The following GLDC variants were observed in gnomAD, a reference collection of about 807,000 sequenced individuals.
GLDC encodes the protein glycine decarboxylase, also known as glycine dehydrogenase (decarboxylating), mitochondrial.
GLDC carries 104 observed loss-of-function variants against 121.3 expected under a neutral mutation model. That is an observed-to-expected ratio of 0.86 (90% CI 0.73 to 1.01). The LOEUF is 1.01. Among genes scored for constraint, GLDC ranks in the 50% least tolerant of loss-of-function variants. GLDC has a pLI of 0.00. For synonymous variants in GLDC, 546 were observed against 480.6 expected (o/e 1.14, Z -1.78); for missense variants, 1,429 against 1,306.6 (o/e 1.09, Z -1.44).
rs777632051 is a variant in GLDC at position 6,604,774 on chromosome 9, C to T, written c.872G>A (p.Cys291Tyr). ...CAAAGCTAAAAGGTCAGTAGCACAG[C>T]AGGCCAGGCTCTAGAAAGGAAGTGA... ...ERAHQSGSLACCATDLLALCI... is the reference protein window; with the variant it reads ...ERAHQSGSLAYCATDLLALCI... Residue 291 changes from cysteine (C) to tyrosine (Y), a missense_variant, in exon 7 of 25, where the codon TGC (cysteine) becomes TAC (tyrosine). Physicochemically the swap from Cys to Tyr is radical, Grantham distance 194. Coordinates refer to ENST00000321612, the MANE Select transcript of GLDC (RefSeq NM_000170.3). The T allele has an allele frequency of 1.9e-6, 3 of 1,613,818 alleles. No individual in the cohort carries two copies. In the South Asian group the frequency reaches 3.3e-5, roughly 18 times the overall value.
rs142666002 is a variant in GLDC at position 6,551,163 on chromosome 9, C to G, written c.2458-249G>C. 4.3e-4 allele frequency among the ~76,000 whole-genome samples: 66 copies of G among 152,292 alleles called. 2 individuals carry two copies. In the East Asian group the frequency reaches 0.012, roughly 28 times the overall value. On this transcript the variant is annotated intron_variant, in intron 20 of 24. Coordinates refer to ENST00000321612, the MANE Select transcript of GLDC (RefSeq NM_000170.3). ...TTTATTGTAGTAGCAAAGCCTACAA[C>G]AGGGCAAGCTGACTACTGACTACTG...
At position 6,604,777 on chromosome 9, in the gene GLDC, G is replaced by C; in HGVS notation, c.869C>G (p.Ala290Gly). The change falls in exon 7 of 25, where the codon GCC (alanine) becomes GGC (glycine). Residue 290 changes from alanine (A) to glycine (G), a missense_variant. Coordinates refer to ENST00000321612, the MANE Select transcript of GLDC (RefSeq NM_000170.3). ...VERAHQSGSL[A>G]CCATDLLALC... ...AGCTAAAAGGTCAGTAGCACAGCAGGCCAGGCTCTAGAAAGGAAGTGAGAG... is the reference window on the plus strand; with the variant it reads ...AGCTAAAAGGTCAGTAGCACAGCAGCCCAGGCTCTAGAAAGGAAGTGAGAG... 6.2e-7 allele frequency: 1 copy of C among 1,613,542 alleles called. No homozygotes were observed. Among genetic ancestry groups the C allele is most frequent in the Non-Finnish European group, 8.5e-7 (1 of 1,179,424 alleles).
chr9:6,537,069 C>T (rs76526061), intron 22 of GLDC, among the ~76,000 whole-genome samples: 15 of 144,312 alleles, frequency 1.0e-4, no homozygotes, highest in Non-Finnish European at 2.1e-4. Flanking sequence ...CTTGCTGTAT[C>T]GCTCAGGTTA....
chr9:6,574,678 A>G (rs537598089), intron 15 of GLDC, among the ~76,000 whole-genome samples: 3 of 152,108 alleles, frequency 2.0e-5, no homozygotes, highest in African/African-American at 4.8e-5. Flanking sequence ...ATTTCCCGAA[A>G]GACGGCTCTC....
At chr9:6,606,515 G>T in intron 5 of GLDC, 77 bp downstream of exon 5, 1 of 941,770 alleles carries the variant, frequency 1.1e-6, no homozygotes, top group African/African-American at 1.6e-5. Flanking sequence ...AATCAGTTTG[G>T]AAGTGAGAAA....
At position 6,565,335 on chromosome 9, in the gene GLDC, C is replaced by T; in HGVS notation, c.1926+19G>A. 6.3e-7 allele frequency: 1 copy of T among 1,589,790 alleles called. No individual in the cohort carries two copies. The highest frequency in any genetic ancestry group is 8.6e-7 in the Non-Finnish European group (1 of 1,157,730). The stretch of plus-strand genomic sequence containing the variant: ...TCTGTGCCCCATGGTGAGCAAGCGC[C>T]ACCTCCTGCCATACTCACCGTTCTG... On this transcript the variant is annotated intron_variant, in intron 16 of 24. Coordinates refer to ENST00000321612, the MANE Select transcript of GLDC (RefSeq NM_000170.3).
chr9:6,553,264 A>G, intron 20 of GLDC, 104 bp downstream of exon 20: 1 of 1,013,188 alleles, frequency 9.9e-7, no homozygotes. Flanking sequence ...ATCTCAGATC[A>G]TGAATTTATT....
intron 4 of GLDC, among the ~76,000 whole-genome samples, chr9:6,607,536 C>T (rs1234318897): frequency 4.6e-5 from 7 of 152,032 alleles, no homozygotes; most frequent in African/African-American, 1.2e-4. Context: ...GAGCCAAGAT[C>T]GCCTCACTGC....
chr9:6,540,421 C>T (rs898489874), intron 21 of GLDC: 9 of 437,288 alleles, frequency 2.1e-5, no homozygotes, highest in Non-Finnish European at 3.0e-5. Context: ...AGGTGGGGGG[C>T]ATTACTGAAC....
intron 2 of GLDC, among the ~76,000 whole-genome samples, chr9:6,621,660 G>T (rs1587973757): frequency 6.6e-6 from 1 of 152,276 alleles, no homozygotes; most frequent in Admixed American, 6.5e-5. Context: ...TGGGACTACA[G>T]TCGCACATCA....
chr9:6,548,105 C>T (rs1046514820), intron 21 of GLDC, among the ~76,000 whole-genome samples: 2 of 152,162 alleles, frequency 1.3e-5, no homozygotes, highest in African/African-American at 2.4e-5. Context: ...CACCACTGCA[C>T]TTCAGCCTGG....
intron 2 of GLDC, among the ~76,000 whole-genome samples, chr9:6,632,125 A>T (rs1464451049): frequency 6.6e-6 from 1 of 152,212 alleles, no homozygotes; most frequent in Non-Finnish European, 1.5e-5. Flanking sequence ...AGTAAATTGT[A>T]ATCTCTTATA....
At chr9:6,541,252 A>C (rs1817251862) in intron 21 of GLDC, 1 of 152,206 alleles carries the variant, frequency 6.6e-6, no homozygotes, top group Non-Finnish European at 1.5e-5. Context: ...TAAACCATTA[A>C]GTCAGCGTTT....
At chr9:6,554,117 T>C (rs1817569135) in intron 19 of GLDC, among the ~76,000 whole-genome samples, 2 of 152,324 alleles carry the variant, frequency 1.3e-5, no homozygotes, top group African/African-American at 4.8e-5. Context: ...TCATCATCAT[T>C]TTCCCAAGAT....
At chr9:6,635,558 A>C (rs922303578) in intron 2 of GLDC, among the ~76,000 whole-genome samples, 1 of 152,168 alleles carries the variant, frequency 6.6e-6, no homozygotes, top group Non-Finnish European at 1.5e-5. Context: ...GTGACAGTGC[A>C]AGACCCTGTC....
At chr9:6,580,989 C>G (rs891298983) in intron 15 of GLDC, among the ~76,000 whole-genome samples, 3 of 152,238 alleles carry the variant, frequency 2.0e-5, no homozygotes, top group African/African-American at 4.8e-5. Context: ...GTGGACAGCT[C>G]CGACATAAAA....
At chr9:6,608,780 T>A (rs892967952) in intron 4 of GLDC, among the ~76,000 whole-genome samples, 2 of 151,454 alleles carry the variant, frequency 1.3e-5, no homozygotes, top group East Asian at 3.9e-4. Flanking sequence ...AATAAATAAA[T>A]AAATGAAATA....
intron 15 of GLDC, among the ~76,000 whole-genome samples, chr9:6,576,597 G>C (rs1818070341): frequency 6.6e-6 from 1 of 152,104 alleles, no homozygotes; most frequent in African/African-American, 2.4e-5. Context: ...CTCCCGAGTA[G>C]CTGGGATTAC....
At chr9:6,615,045 G>C (rs922989844) in intron 3 of GLDC, among the ~76,000 whole-genome samples, 7 of 152,212 alleles carry the variant, frequency 4.6e-5, no homozygotes, top group African/African-American at 7.2e-5. Flanking sequence ...CAGGGCATGA[G>C]TGTACTTGTG....
Sources: allele counts gnomAD v4.1 joint callset (sites outside exome capture counted in the v4.1 genomes callset), GRCh38; gene constraint gnomAD v4.1.1; transcripts MANE v1.5; gene names NCBI Gene and HGNC (gene_info 2026-07-23, HGNC 2026-07-21).